The following POLA1 variants were observed in gnomAD, a reference collection of about 807,000 sequenced individuals.
The protein encoded by POLA1 is DNA polymerase alpha 1, catalytic subunit.
In POLA1, 15 loss-of-function variants were observed where a neutral mutation model predicts 124.0. That is an observed-to-expected ratio of 0.12 (90% CI 0.08 to 0.19). POLA1 has a LOEUF of 0.19. Among genes scored for constraint, POLA1 ranks in the 10% least tolerant of loss-of-function variants. POLA1 has a pLI of 1.00. For synonymous variants in POLA1, 408 were observed against 389.4 expected (o/e 1.05, Z -0.56); for missense variants, 886 against 1,103.4 (o/e 0.80, Z 2.79).
intron 26 of POLA1, among the ~76,000 whole-genome samples, chrX:24,805,808 T>C (rs2045786956): frequency 9.0e-6 from 1 of 110,982 alleles, no homozygotes; most frequent in African/African-American, 3.3e-5. Context: ...CAAGCCTTTA[T>C]AGCCCTGTTT....
chrX:24,780,362 T>C (rs932907781), intron 26 of POLA1, among the ~76,000 whole-genome samples: 2 of 112,841 alleles, frequency 1.8e-5, no homozygotes, highest in Admixed American at 9.3e-5. Context: ...AAAATACTTA[T>C]CTTGTTTCTG....
intron 36 of POLA1, among the ~76,000 whole-genome samples, chrX:24,943,257 A>G (rs2047926600): frequency 8.9e-6 from 1 of 112,720 alleles, no homozygotes; most frequent in Non-Finnish European, 1.9e-5. Flanking sequence ...AGACAAAACA[A>G]AATAGAAATT....
chrX:24,753,719 C>T (rs970394127), intron 26 of POLA1, among the ~76,000 whole-genome samples: 9 of 111,926 alleles, frequency 8.0e-5, no homozygotes, highest in South Asian at 3.7e-4. Context: ...TTTAGTTTAA[C>T]GGGAATATTT....
intron 34 of POLA1, among the ~76,000 whole-genome samples, chrX:24,871,681 A>G (rs761326529): frequency 9.0e-6 from 1 of 110,770 alleles, no homozygotes; most frequent in Non-Finnish European, 1.9e-5. Flanking sequence ...ACCCATCTTT[A>G]TGAAAGAAGG....
chrX:24,862,562 C>A (rs1601814746), intron 34 of POLA1, among the ~76,000 whole-genome samples: 1 of 111,244 alleles, frequency 9.0e-6, no homozygotes, highest in South Asian at 3.8e-4. Context: ...GGGAGATTTT[C>A]TTCCCTGTGT....
chrX:24,961,649 T>G (rs1401064703), intron 36 of POLA1, among the ~76,000 whole-genome samples: 1 of 111,562 alleles, frequency 9.0e-6, no homozygotes, highest in Non-Finnish European at 1.9e-5. Flanking sequence ...TTTGGCTGTC[T>G]CTGGAACCAA....
rs148289176 is a variant in POLA1 at position 24,891,934 on chromosome X, C to T, written c.4164+3812C>T. On this transcript the variant is annotated intron_variant, in intron 35 of 36. Transcript: ENST00000379068. ...TCAAGTTTGATGGTAAAGCACTGGC[C>T]TCTTACTGTGCCAGTCTTATCTGCA... 5.3e-3 allele frequency among the ~76,000 whole-genome samples: 594 copies of T among 111,080 alleles called. 4 individuals carry two copies. Among genetic ancestry groups the T allele is most frequent in the Non-Finnish European group, 9.5e-3 (505 of 52,999 alleles).
chrX:24,726,417 T>A (rs1392904298), intron 13 of POLA1, among the ~76,000 whole-genome samples: 1 of 112,151 alleles, frequency 8.9e-6, no homozygotes, highest in Admixed American at 9.4e-5. Context: ...ATTGCTATAG[T>A]GCTGCTCTTG....
intron 36 of POLA1, among the ~76,000 whole-genome samples, chrX:24,983,909 C>T (rs770120193): frequency 6.3e-5 from 7 of 111,198 alleles, no homozygotes; most frequent in African/African-American, 2.3e-4. Context: ...GTCATTCTGT[C>T]GTGTCCTCTA....
chrX:24,887,602 A>G (rs1473221219), intron 34 of POLA1, among the ~76,000 whole-genome samples: 2 of 111,708 alleles, frequency 1.8e-5, no homozygotes, highest in South Asian at 3.8e-4. Flanking sequence ...TAACTAGCCA[A>G]TAGTCACTCA....
intron 36 of POLA1, among the ~76,000 whole-genome samples, chrX:24,931,876 G>A (rs1392728285): frequency 8.9e-6 from 1 of 111,773 alleles, no homozygotes; most frequent in African/African-American, 3.3e-5. Flanking sequence ...CTGAATATCA[G>A]TATATTAGAA....
intron 4 of POLA1, among the ~76,000 whole-genome samples, chrX:24,707,592 A>G (rs913752465): frequency 5.3e-5 from 6 of 112,450 alleles, no homozygotes; most frequent in African/African-American, 1.9e-4. Flanking sequence ...AGGAAGGAAA[A>G]TGGACTTCTG....
intron 26 of POLA1, among the ~76,000 whole-genome samples, chrX:24,758,707 G>A (rs1359825182): frequency 2.7e-5 from 3 of 111,779 alleles, no homozygotes; most frequent in Non-Finnish European, 3.8e-5. Flanking sequence ...TTTTTGAGAC[G>A]GAGTCTCGCA....
chrX:24,874,280 A>C (rs192687700), intron 34 of POLA1, among the ~76,000 whole-genome samples: 1 of 112,390 alleles, frequency 8.9e-6, no homozygotes, highest in Admixed American at 9.4e-5. Flanking sequence ...CTGTGATTCT[A>C]AGTAAAGCAC....
At chrX:24,894,871 C>T (rs757417040) in intron 35 of POLA1, among the ~76,000 whole-genome samples, 16 of 108,025 alleles carry the variant, frequency 1.5e-4, no homozygotes, top group African/African-American at 5.1e-4. Context: ...ACTGAAGCCT[C>T]GACCTCCTGG....
At chrX:24,694,114 G>A (rs1270462324) in intron 1 of POLA1, 110 bp downstream of exon 1, 1 of 779,229 alleles carries the variant, frequency 1.3e-6, no homozygotes, top group African/African-American at 2.1e-5. Flanking sequence ...CGCAGACCTT[G>A]GTCGTCCCCG....
chrX:24,988,577 T>A lies in POLA1; in HGVS notation c.4262-7228T>A, dbSNP rs1275456921. Among the ~76,000 whole-genome samples, 3 of 112,720 alleles carry A rather than the reference T, an allele frequency of 2.7e-5. No individual in the cohort carries two copies. In the East Asian group the frequency reaches 8.3e-4, roughly 31 times the overall value. On this transcript the variant is annotated intron_variant, in intron 36 of 36. Transcript: ENST00000379068. ...CAGAGTAAACGATTTCCAGTTCCTG[T>A]GGATATTGCATGTCACCACATAGGA...
intron 32 of POLA1, among the ~76,000 whole-genome samples, chrX:24,829,654 C>T (rs1372492526): frequency 1.8e-5 from 2 of 111,877 alleles, no homozygotes; most frequent in African/African-American, 6.5e-5. Flanking sequence ...ACCCTTTATT[C>T]CTCTACCCCA....
intron 4 of POLA1, among the ~76,000 whole-genome samples, chrX:24,712,201 T>G (rs996970914): frequency 9.0e-6 from 1 of 111,324 alleles, no homozygotes; most frequent in Non-Finnish European, 1.9e-5. Flanking sequence ...TTCTCCTGCC[T>G]CAGCCTCCCA....
Sources: gnomAD v4.1 joint callset for allele counts (sites outside exome capture counted in the v4.1 genomes callset) on GRCh38, gnomAD v4.1.1 for gene constraint, MANE v1.5 for transcripts, NCBI Gene and HGNC (gene_info 2026-07-23, HGNC 2026-07-21) for gene names.